Variants in GPATCH8 observed in about 807,000 individuals in gnomAD.
The protein encoded by GPATCH8 is G patch domain-containing protein 8.
Under a neutral mutation model 118.3 loss-of-function variants are expected in GPATCH8, and 18 were observed. The observed-to-expected ratio is 0.15, with a 90% CI of 0.11 to 0.23. The LOEUF is 0.23. GPATCH8 is among the 10% of genes least tolerant of loss of function. The probability of loss-of-function intolerance (pLI) is 1.00; values close to 1 mark genes in which losing one functional copy is unlikely to be tolerated. For synonymous variants in GPATCH8, 659 were observed against 684.7 expected, an observed-to-expected ratio of 0.96 and a Z score of 0.59; for missense variants, 1,631 against 1,873.8, an observed-to-expected ratio of 0.87 and a Z score of 2.39.
intron 1 of GPATCH8, among the ~76,000 whole-genome samples, chr17:44,501,680 T>C (rs1325349298): frequency 6.6e-6 from 1 of 152,160 alleles, no homozygotes; most frequent in Non-Finnish European, 1.5e-5. Context: ...AAAATCTTCA[T>C]TAAAGGCCCT....
intron 3 of GPATCH8, among the ~76,000 whole-genome samples, chr17:44,453,530 T>TGTGTGTGTGTGTGTGTGTGTGTGTGC (rs1052518435): frequency 6.6e-5 from 10 of 150,448 alleles, no homozygotes; most frequent in African/African-American, 1.7e-4. Flanking sequence ...TGTGTGTGTG[T>TGTGTGTGTGTGTGTGTGTGTGTGTGC]GCAGGCGCGC....
At chr17:44,502,558 A>G (rs1380976368) in intron 1 of GPATCH8, among the ~76,000 whole-genome samples, 2 of 152,166 alleles carry the variant, frequency 1.3e-5, no homozygotes, top group African/African-American at 4.8e-5. Flanking sequence ...GCATTTTTCC[A>G]TACTAACATT....
chr17:44,497,936 C>T (rs1244783677), intron 1 of GPATCH8, among the ~76,000 whole-genome samples: 1 of 150,442 alleles, frequency 6.6e-6, no homozygotes, highest in Non-Finnish European at 1.5e-5. Context: ...CAGACACTGT[C>T]TCCAAAAAAA....
intron 1 of GPATCH8, among the ~76,000 whole-genome samples, chr17:44,483,471 G>T (rs1046082451): frequency 6.6e-6 from 1 of 150,836 alleles, no homozygotes; most frequent in African/African-American, 2.4e-5. Flanking sequence ...GGCTGGTCTT[G>T]AACTCCTGAC....
intron 1 of GPATCH8, among the ~76,000 whole-genome samples, chr17:44,483,831 G>T (rs1287511051): frequency 1.4e-5 from 2 of 139,298 alleles, no homozygotes; most frequent in Non-Finnish European, 3.1e-5. Context: ...TGTTTTTGTT[G>T]TTGTTGTTGT....
At chr17:44,471,872 TAAAA>T (rs34968232) in intron 2 of GPATCH8, among the ~76,000 whole-genome samples, 1 of 128,486 alleles carries the variant, frequency 7.8e-6, no homozygotes, top group African/African-American at 2.9e-5. Context: ...CCAAAAAAAG[TAAAA>T]AAAAAAAAAA....
At chr17:44,461,512 G>GA (rs942993209) in intron 3 of GPATCH8, among the ~76,000 whole-genome samples, 6 of 151,442 alleles carry the variant, frequency 4.0e-5, no homozygotes, top group Non-Finnish European at 7.4e-5. Flanking sequence ...CAATTAAAAA[G>GA]AAAAAAAACC....
intron 3 of GPATCH8, among the ~76,000 whole-genome samples, chr17:44,444,481 A>G (rs1403155522): frequency 4.7e-5 from 7 of 149,496 alleles, no homozygotes; most frequent in East Asian, 1.9e-4. Flanking sequence ...TAGTTTAAAG[A>G]AAAAAAAAAG....
intron 2 of GPATCH8, chr17:44,474,562 AC>A (rs1967575457): frequency 1.9e-6 from 1 of 519,894 alleles, no homozygotes; most frequent in Non-Finnish European, 3.5e-6. Context: ...TTAACTTGCT[AC>A]CTTCAACAAA....
Position 44,488,517 on chromosome 17 carries a change from G to A in GPATCH8, c.46-13614C>T, listed in dbSNP as rs112702518. 4.3e-3 allele frequency among the ~76,000 whole-genome samples: 655 copies of A among 151,390 alleles called. 10 individuals carry two copies. Among genetic ancestry groups the A allele is most frequent in the African/African-American group, 0.015 (599 of 41,286 alleles). On this transcript the variant is annotated intron_variant, in intron 1 of 7. Transcript: ENST00000591680. ...CCAAGTAGCCTGGGATTACAGGTGC[G>A]TGCCACCAAGCGTAGCTAACTTTTT...
In GPATCH8 at chr17:44,395,707, C is replaced by T. The variant is rs1264285685; in HGVS notation, c.*1861G>A. On this transcript the variant is annotated 3_prime_UTR_variant, in exon 8 of 8. Coordinates refer to ENST00000591680, the MANE Select transcript of GPATCH8 (RefSeq NM_001002909.4). ...TTGCCTGCCACTTTCTTTTCATAAA[C>T]TTTACTCTTTTGAGAATTTGCGAAG... 5 of 454,136 alleles carry T rather than the reference C, an allele frequency of 1.1e-5. No homozygotes were observed. Among genetic ancestry groups the T allele is most frequent in the Admixed American group, 9.4e-5 (4 of 42,576 alleles). The allele number at this position is 454,136 out of a possible 1,614,324, so 28.1% of individuals were successfully genotyped here.
At chr17:44,474,418 TTAAAA>T in intron 2 of GPATCH8, 6 of 262,096 alleles carry the variant, frequency 2.3e-5, no homozygotes, top group Non-Finnish European at 4.5e-5. Context: ...AATATAACAT[TTAAAA>T]AAAAATTTCC....
chr17:44,432,536 A>C (rs995874292), intron 5 of GPATCH8, among the ~76,000 whole-genome samples: 3 of 152,158 alleles, frequency 2.0e-5, no homozygotes, highest in African/African-American at 4.8e-5. Flanking sequence ...GAATGCAAGT[A>C]ATGCATTTTG....
At chr17:44,493,083 T>C (rs1405103115) in intron 1 of GPATCH8, among the ~76,000 whole-genome samples, 1 of 97,148 alleles carries the variant, frequency 1.0e-5, no homozygotes, top group Non-Finnish European at 2.1e-5. Flanking sequence ...AGACAGAGTC[T>C]CATTCTGTCA....
Position 44,436,454 on chromosome 17 carries a change from T to C in GPATCH8, c.261+24A>G, listed in dbSNP as rs1046857461. 6 of 996,540 alleles carry C rather than the reference T, an allele frequency of 6.0e-6. No individual in the cohort carries two copies. In the African/African-American group the frequency reaches 9.5e-5, roughly 16 times the overall value. The allele number at this position is 996,540 out of a possible 1,614,324, so 61.7% of individuals were successfully genotyped here. On this transcript the variant is annotated intron_variant, in intron 4 of 7. Coordinates refer to ENST00000591680, the MANE Select transcript of GPATCH8 (RefSeq NM_001002909.4). ...TTATTTCAAAATATCTCACAAAACTTATGAGTTAATGAGATCAATTTACCT... is the reference window on the plus strand; with the variant it reads ...TTATTTCAAAATATCTCACAAAACTCATGAGTTAATGAGATCAATTTACCT...
intron 2 of GPATCH8, among the ~76,000 whole-genome samples, chr17:44,471,569 C>T (rs1450480984): frequency 6.6e-6 from 1 of 152,124 alleles, no homozygotes; most frequent in Non-Finnish European, 1.5e-5. Flanking sequence ...ATATTTTCAG[C>T]CACTTTTGAG....
intron 3 of GPATCH8, among the ~76,000 whole-genome samples, chr17:44,456,054 G>T (rs1469436763): frequency 6.6e-6 from 1 of 151,950 alleles, no homozygotes; most frequent in Non-Finnish European, 1.5e-5. Context: ...GACAAAAAAT[G>T]ATTTTTCTTA....
intron 3 of GPATCH8, among the ~76,000 whole-genome samples, chr17:44,456,911 T>C (rs1233005846): frequency 6.6e-6 from 1 of 152,108 alleles, no homozygotes; most frequent in Non-Finnish European, 1.5e-5. Context: ...TTGCCCAGGA[T>C]GGAGTGCAGT....
At chr17:44,471,018 T>C (rs1335366840) in intron 2 of GPATCH8, among the ~76,000 whole-genome samples, 4 of 152,220 alleles carry the variant, frequency 2.6e-5, no homozygotes, top group Non-Finnish European at 5.9e-5. Context: ...AAAATTCAAA[T>C]TCAAAGCTTC....
Sources: gnomAD v4.1 joint callset for allele counts (sites outside exome capture counted in the v4.1 genomes callset) on GRCh38, gnomAD v4.1.1 for gene constraint, MANE v1.5 for transcripts, NCBI Gene and HGNC (gene_info 2026-07-23, HGNC 2026-07-21) for gene names.